Variants in CD1B observed in about 807,000 individuals in gnomAD.
The protein encoded by CD1B is CD1b molecule, also known as T-cell surface glycoprotein CD1b.
CD1B carries 43 observed loss-of-function variants against 39.8 expected under a neutral mutation model. That is an observed-to-expected ratio of 1.08 (90% CI 0.85 to 1.39). The LOEUF is 1.39. Ranked by LOEUF, CD1B falls within the 40% of genes most tolerant of loss-of-function variation. The pLI, the probability that CD1B is intolerant of heterozygous loss-of-function variation, is 0.00. For synonymous variants in CD1B, 192 were observed against 152.5 expected, an observed-to-expected ratio of 1.26 and a Z score of -1.91; for missense variants, 495 against 403.8, an observed-to-expected ratio of 1.23 and a Z score of -1.94.
At chr1:158,311,116 A>G in the CD1B span, among the ~76,000 whole-genome samples, 1 of 152,148 alleles carries the variant, frequency 6.6e-6, no homozygotes, top group African/African-American at 2.4e-5. Context: ...TATGTAGTAT[A>G]TTTTTAGTTT....
At chr1:158,294,458 C>G in the CD1B span, among the ~76,000 whole-genome samples, 1 of 152,210 alleles carries the variant, frequency 6.6e-6, no homozygotes, top group African/African-American at 2.4e-5. Context: ...CTTCCTCAAT[C>G]TGTCCATGTT....
At chr1:158,322,492 C>G in the CD1B span, among the ~76,000 whole-genome samples, 1 of 5,242 alleles carries the variant, frequency 1.9e-4, no homozygotes, top group Non-Finnish European at 2.5e-4. Context: ...AACTCAAATC[C>G]TTGGGTTTTT....
chr1:158,313,448 C>G, the CD1B span, among the ~76,000 whole-genome samples: 1 of 152,040 alleles, frequency 6.6e-6, no homozygotes, highest in African/African-American at 2.4e-5. Context: ...GTAGCTAGGA[C>G]TACAGGCGCC....
At chr1:158,301,578 T>G in the CD1B span, among the ~76,000 whole-genome samples, 1 of 152,226 alleles carries the variant, frequency 6.6e-6, no homozygotes, top group African/African-American at 2.4e-5. Context: ...AAATTCTCGG[T>G]TGAAAATTCT....
chr1:158,331,110 G>T, intron 1 of CD1B, 48 bp from the exon 2 acceptor site: 1 of 1,524,636 alleles, frequency 6.6e-7, no homozygotes, highest in South Asian at 1.3e-5. Context: ...AGAGAAGCAG[G>T]AGACAATTAG....
In CD1B at chr1:158,328,238, A is replaced by G; in HGVS notation, c.1000T>C (p.Ter334ArgextTer30). ...GGGAGAGGAGACATGATGATGGCTC[A>G]TGGGATATTCTGATATGACCTGTTA... is the stretch of plus-strand genomic sequence containing the variant. Reference protein sequence around the residue: ...MRRRSYQNIP* With the variant: ...MRRRSYQNIPR Residue 334 changes from the stop codon to arginine (R), a stop_lost, in exon 6 of 6, where the codon TGA becomes CGA. Coordinates refer to ENST00000368168, the MANE Select transcript of CD1B (RefSeq NM_001764.3). 6.2e-7 allele frequency: 1 copy of G among 1,612,474 alleles called. No individual in the cohort carries two copies. The highest frequency in any genetic ancestry group is 8.5e-7 in the Non-Finnish European group (1 of 1,178,754).
chr1:158,330,161 A>C (rs1170916599), intron 2 of CD1B, 31 bp from the exon 3 acceptor site: 1 of 1,551,856 alleles, frequency 6.4e-7, no homozygotes, highest in South Asian at 1.2e-5. Context: ...GCAAGTTATT[A>C]AACACAAATA....
rs925973050 is a variant in CD1B, at chr1:158,331,047, G to T, written c.77C>A (p.Thr26Asn). 3.7e-6 allele frequency: 6 copies of T among 1,611,986 alleles called. No homozygotes were observed. The highest frequency in any genetic ancestry group is 1.3e-5 in the African/African-American group (1 of 74,852). Reference protein sequence around the residue: ...GNSEHAFQGPTSFHVIQTSSF... With the variant: ...GNSEHAFQGPNSFHVIQTSSF... ...CGAGGTCTGGATAACATGAAAGGAGGTCGGCCCCTGGAAGGCTGTGAAGAG... is the reference window on the plus strand; with the variant it reads ...CGAGGTCTGGATAACATGAAAGGAGTTCGGCCCCTGGAAGGCTGTGAAGAG... Residue 26 changes from threonine (T) to asparagine (N), a missense_variant, in exon 2 of 6, where the codon ACC (threonine) becomes AAC (asparagine). Transcript: ENST00000368168.
chr1:158,331,122 A>T, intron 1 of CD1B, 60 bp from the exon 2 acceptor site: 1 of 1,471,338 alleles, frequency 6.8e-7, no homozygotes. Flanking sequence ...GACAATTAGG[A>T]AGAATGGGAA....
chr1:158,321,952 C>T, the CD1B span, among the ~76,000 whole-genome samples: 121 of 152,202 alleles, frequency 7.9e-4, no homozygotes, highest in African/African-American at 2.8e-3. Context: ...GTGTGTGTTG[C>T]TCCCCACCAT....
rs537515655 is a variant in CD1B at position 158,328,209 on chromosome 1, G to A, written c.*27C>T. On this transcript the variant is annotated 3_prime_UTR_variant, in exon 6 of 6. Coordinates refer to ENST00000368168, the MANE Select transcript of CD1B (RefSeq NM_001764.3). ...TCTTGGGCTTCTTGGTACTTATTGC[G>A]AATGGGAGAGGAGACATGATGATGG... 3.3e-5 allele frequency: 52 copies of A among 1,594,536 alleles called. No individual in the cohort carries two copies. The highest frequency in any genetic ancestry group is 1.8e-4 in the East Asian group (8 of 44,688).
At chr1:158,315,172 A>G in the CD1B span, among the ~76,000 whole-genome samples, 2 of 152,070 alleles carry the variant, frequency 1.3e-5, no homozygotes, top group African/African-American at 2.4e-5. Flanking sequence ...GTATATACTC[A>G]GTAATGGGAT....
At chr1:158,307,181 T>G in the CD1B span, among the ~76,000 whole-genome samples, 2 of 151,858 alleles carry the variant, frequency 1.3e-5, no homozygotes, top group African/African-American at 2.4e-5. Flanking sequence ...GACAGACTGC[T>G]AGCAAGACTA....
intron 2 of CD1B, chr1:158,330,471 G>A: frequency 1.8e-6 from 1 of 557,498 alleles, no homozygotes; most frequent in Non-Finnish European, 3.2e-6. Flanking sequence ...GATGGATTAG[G>A]GGAGAAAGCC....
At chr1:158,329,827 G>T (rs780542168) in intron 3 of CD1B, 25 bp downstream of exon 3, 1 of 1,600,256 alleles carries the variant, frequency 6.2e-7, no homozygotes, top group Non-Finnish European at 8.5e-7. Flanking sequence ...GAGGTGGTGG[G>T]AAGTGAAATA....
At chr1:158,289,899 A>G in the CD1B span, 2 of 597,360 alleles carry the variant, frequency 3.3e-6, no homozygotes, top group Non-Finnish European at 3.0e-6. Flanking sequence ...GAGATTGAGT[A>G]GGAGGACCAA....
intron 2 of CD1B, chr1:158,330,549 C>A: frequency 1.5e-6 from 1 of 674,038 alleles, no homozygotes. Flanking sequence ...TCACATAAGA[C>A]AAACCAGCAG....
the CD1B span, among the ~76,000 whole-genome samples, chr1:158,298,775 C>T: frequency 3.9e-5 from 6 of 152,052 alleles, no homozygotes; most frequent in Non-Finnish European, 5.9e-5. Context: ...CTCTTTGAAG[C>T]GATTGTGAAT....
chr1:158,315,855 C>T, the CD1B span, among the ~76,000 whole-genome samples: 3 of 151,990 alleles, frequency 2.0e-5, no homozygotes, highest in Non-Finnish European at 4.4e-5. Context: ...GGAAGGGATC[C>T]AGTTTCAGCT....
Sources: allele counts gnomAD v4.1 joint callset (sites outside exome capture counted in the v4.1 genomes callset), GRCh38; gene constraint gnomAD v4.1.1; transcripts MANE v1.5; gene names NCBI Gene and HGNC (gene_info 2026-07-23, HGNC 2026-07-21).